Variants in GNG2 observed in about 807,000 individuals in gnomAD.
The protein encoded by GNG2 is guanine nucleotide-binding protein G(I)/G(S)/G(O) subunit gamma-2.
A neutral mutation model predicts 5.5 loss-of-function variants in GNG2; 5 were observed. That is an observed-to-expected ratio of 0.91 (90% CI 0.48 to 1.92). GNG2 has a LOEUF of 1.92. Ranked by LOEUF, GNG2 falls within the 30% of genes most tolerant of loss-of-function variation. The pLI is 0.01. For missense variants in GNG2, 55 were observed against 88.4 expected, an observed-to-expected ratio of 0.62 and a Z score of 1.52; for synonymous variants, 28 against 32.0, an observed-to-expected ratio of 0.88 and a Z score of 0.42.
chr14:51,956,406 T>A (rs55953644), intron 3 of GNG2, among the ~76,000 whole-genome samples: 55,620 of 151,962 alleles, frequency 0.37, 10,541 homozygotes, highest in Non-Finnish European at 0.39. Flanking sequence ...GGGATCTGTT[T>A]CTGTCTCCAC....
At chr14:51,908,279 G>T (rs1290573501) in intron 2 of GNG2, among the ~76,000 whole-genome samples, 4 of 152,196 alleles carry the variant, frequency 2.6e-5, no homozygotes, top group Non-Finnish European at 4.4e-5. Flanking sequence ...GCCCAAGACG[G>T]AAGCCACAGT....
At chr14:51,877,813 T>C in intron 2 of GNG2, 156 bp downstream of exon 2, 2 of 215,882 alleles carry the variant, frequency 9.3e-6, no homozygotes, top group South Asian at 5.3e-5. Flanking sequence ...ACTTCAGAAT[T>C]TAAAGAAAAA....
At chr14:51,858,507 T>G (rs1264880002), upstream of GNG2, among the ~76,000 whole-genome samples, 1 of 152,196 alleles carries the variant, frequency 6.6e-6, no homozygotes, top group Non-Finnish European at 1.5e-5. Flanking sequence ...CTATATAGGC[T>G]TAAATATAAA....
upstream of GNG2, among the ~76,000 whole-genome samples, chr14:51,855,577 A>G (rs1030266667): frequency 1.3e-5 from 2 of 152,270 alleles, no homozygotes; most frequent in African/African-American, 4.8e-5. Context: ...CTGTGATAAA[A>G]TAACAGCTCA....
chr14:51,950,812 G>T (rs373581574), intron 3 of GNG2, 47 bp downstream of exon 3: 8 of 1,158,892 alleles, frequency 6.9e-6, no homozygotes, highest in Non-Finnish European at 7.3e-6. Flanking sequence ...AGTCTAAGGC[G>T]CATGTCATGT....
chr14:51,897,348 G>A (rs1466295002), intron 2 of GNG2, among the ~76,000 whole-genome samples: 1 of 152,176 alleles, frequency 6.6e-6, no homozygotes, highest in Non-Finnish European at 1.5e-5. Context: ...ACTTTGTAAT[G>A]TCAGGCAGCT....
Position 51,969,027 on chromosome 14 carries a change from C to T in GNG2, c.*2340C>T, listed in dbSNP as rs143996731. On this transcript the variant is annotated 3_prime_UTR_variant, in exon 4 of 4. Transcript: ENST00000556766. ...ACGAAAATCTTTATATGAGTTTTGG[C>T]TTCTTGGTATTTGTACTTATTCAGG... The T allele has an allele frequency of 1.4e-4, 22 of 152,116 alleles. No homozygotes were observed. Among genetic ancestry groups the T allele is most frequent in the Non-Finnish European group, 1.6e-4 (11 of 68,012 alleles). The allele number at this position is 152,116 out of a possible 1,614,324, so 9.4% of individuals were successfully genotyped here. A position where few individuals can be genotyped will look rare whatever the true frequency, so the allele number is the denominator to read the frequency against.
intron 2 of GNG2, among the ~76,000 whole-genome samples, chr14:51,881,519 AC>A (rs1884069439): frequency 6.6e-6 from 1 of 152,126 alleles, no homozygotes; most frequent in African/African-American, 2.4e-5. Flanking sequence ...TAGCAAAACC[AC>A]ACTGAGAAAT....
At chr14:51,952,830 A>G (rs1031423453) in intron 3 of GNG2, among the ~76,000 whole-genome samples, 7 of 152,172 alleles carry the variant, frequency 4.6e-5, no homozygotes, top group African/African-American at 7.2e-5. Context: ...ATTACCTTCC[A>G]TATTCCTTCC....
chr14:51,879,555 T>C (rs570233707), intron 2 of GNG2, among the ~76,000 whole-genome samples: 3 of 152,334 alleles, frequency 2.0e-5, no homozygotes, highest in East Asian at 3.9e-4. Flanking sequence ...GGGATTTCAC[T>C]GGGCTAAAAG....
intron 2 of GNG2, among the ~76,000 whole-genome samples, chr14:51,919,969 T>C (rs1886914283): frequency 6.6e-6 from 1 of 152,188 alleles, no homozygotes; most frequent in South Asian, 2.1e-4. Flanking sequence ...CAATTAGATA[T>C]AAACCGTTGT....
chr14:51,890,413 G>A (rs1404276749), intron 2 of GNG2, among the ~76,000 whole-genome samples: 2 of 152,132 alleles, frequency 1.3e-5, no homozygotes. Context: ...GTGAAAGAAA[G>A]GTATTCTTAA....
At chr14:51,954,818 T>C (rs1290822790) in intron 3 of GNG2, among the ~76,000 whole-genome samples, 3 of 152,084 alleles carry the variant, frequency 2.0e-5, no homozygotes, top group African/African-American at 4.8e-5. Flanking sequence ...TCCAGCTCCA[T>C]GAAAAAAGAG....
chr14:51,966,693 T>C lies in GNG2; in HGVS notation c.*6T>C. ...TTTTCTGTGCCATCCTTTAAGTCTT[T>C]GAGAGGGGCCTGAAGAGCCTCCGGG... On this transcript the variant is annotated 3_prime_UTR_variant, in exon 4 of 4. Coordinates refer to ENST00000556766, the MANE Select transcript of GNG2 (RefSeq NM_053064.5). The C allele has an allele frequency of 6.2e-7, 1 of 1,613,584 alleles. No homozygotes were observed. Among genetic ancestry groups the C allele is most frequent in the East Asian group, 2.2e-5 (1 of 44,866 alleles).
At chr14:51,828,404 A>C (rs1881091104) in intron 2 of GNG2, among the ~76,000 whole-genome samples, 1 of 152,248 alleles carries the variant, frequency 6.6e-6, no homozygotes, top group Non-Finnish European at 1.5e-5. Flanking sequence ...AAGCAGGACC[A>C]GAAGAACCTT....
chr14:51,923,567 TACAC>T (rs142081387), intron 2 of GNG2, among the ~76,000 whole-genome samples: 10 of 150,012 alleles, frequency 6.7e-5, no homozygotes, highest in Non-Finnish European at 1.2e-4. Flanking sequence ...AAACACACAA[TACAC>T]ACACACACAC....
At chr14:51,828,372 G>A (rs1223072653) in intron 2 of GNG2, among the ~76,000 whole-genome samples, 1 of 152,166 alleles carries the variant, frequency 6.6e-6, no homozygotes, top group East Asian at 1.9e-4. Context: ...TGGTTCCAGG[G>A]CACAATTGTT....
chr14:51,936,409 G>T (rs77235802), intron 2 of GNG2, among the ~76,000 whole-genome samples: 2,464 of 152,172 alleles, frequency 0.016, 64 homozygotes, highest in African/African-American at 0.057. Flanking sequence ...AAGGAAGAAG[G>T]TGAGCAGCAG....
intron 2 of GNG2, among the ~76,000 whole-genome samples, chr14:51,947,308 T>C (rs1888699928): frequency 6.6e-6 from 1 of 152,156 alleles, no homozygotes; most frequent in East Asian, 1.9e-4. Context: ...AAGTTGCAGA[T>C]GGAATTAAGG....
Sources: gnomAD v4.1 joint callset for allele counts (sites outside exome capture counted in the v4.1 genomes callset) on GRCh38, gnomAD v4.1.1 for gene constraint, MANE v1.5 for transcripts, NCBI Gene and HGNC (gene_info 2026-07-23, HGNC 2026-07-21) for gene names.